The following ARHGAP42 variants were observed in gnomAD, a reference collection of about 807,000 sequenced individuals.
ARHGAP42 encodes the protein rho GTPase-activating protein 42.
In ARHGAP42, 63 loss-of-function variants were observed where a neutral mutation model predicts 125.0. That is an observed-to-expected ratio of 0.50 (90% CI 0.41 to 0.62). The LOEUF (loss-of-function observed/expected upper bound fraction) is 0.62, where lower values mean the gene tolerates loss of function less well. Ranked by LOEUF, ARHGAP42 falls within the 20% of genes least tolerant of loss-of-function variation. The probability of loss-of-function intolerance (pLI) is 0.00; values close to 1 mark genes in which losing one functional copy is unlikely to be tolerated. For synonymous variants in ARHGAP42, 339 were observed against 351.0 expected (o/e 0.97, Z 0.38); for missense variants, 766 against 1,024.2 (o/e 0.75, Z 3.44).
intron 1 of ARHGAP42, among the ~76,000 whole-genome samples, chr11:100,752,714 T>C (rs1341323927): frequency 6.6e-6 from 1 of 152,212 alleles, no homozygotes; most frequent in Non-Finnish European, 1.5e-5. Flanking sequence ...GATTTCTTGG[T>C]TATAAGTAGT....
At chr11:100,939,048 C>T (rs1418922453) in intron 8 of ARHGAP42, among the ~76,000 whole-genome samples, 1 of 152,144 alleles carries the variant, frequency 6.6e-6, no homozygotes, top group Non-Finnish European at 1.5e-5. Flanking sequence ...ATGGGGTAGG[C>T]TTAGCTCATT....
At chr11:100,949,644 C>T (rs996518164) in intron 11 of ARHGAP42, among the ~76,000 whole-genome samples, 1 of 152,200 alleles carries the variant, frequency 6.6e-6, no homozygotes, top group East Asian at 1.9e-4. Context: ...ATGCATCATA[C>T]TGGGGCAGAG....
At chr11:100,820,460 T>G (rs1258975384) in intron 3 of ARHGAP42, among the ~76,000 whole-genome samples, 1 of 152,138 alleles carries the variant, frequency 6.6e-6, no homozygotes, top group Non-Finnish European at 1.5e-5. Flanking sequence ...AGAAGGCATC[T>G]CTTCAGATTT....
chr11:100,860,837 A>T (rs1162802113), intron 4 of ARHGAP42, among the ~76,000 whole-genome samples: 1 of 152,160 alleles, frequency 6.6e-6, no homozygotes, highest in African/African-American at 2.4e-5. Context: ...ATTGTGAGCA[A>T]TTTTCGAGTG....
rs1277167355 is a variant in ARHGAP42, at chr11:100,687,770, G to A, written c.92G>A (p.Arg31Gln). 1.3e-6 allele frequency: 2 copies of A among 1,550,932 alleles called. No individual in the cohort carries two copies. The highest frequency in any genetic ancestry group is 1.4e-5 in the African/African-American group (1 of 73,030). ...RLQCHEIELERTNKFIKELIK... is the reference protein window; with the variant it reads ...RLQCHEIELEQTNKFIKELIK... ...CAGTGTCACGAGATTGAGCTGGAGC[G>A]AACCAACAAGTTCATCAAGGAGCTC... Residue 31 changes from arginine (R) to glutamine (Q), a missense_variant, in exon 1 of 24, where the codon CGA (arginine) becomes CAA (glutamine). This residue lies in a region of ARHGAP42 where 455 missense variants were observed against 636.5 expected (regional missense o/e 0.71). Transcript: ENST00000298815.
chr11:100,687,535 G>A lies in ARHGAP42; in HGVS notation c.-144G>A. ...GCAGGCGGCGCGGCGCTCGGGGCCC[G>A]TTTCCTCCGCGCAATCAGTCCCCTC... is the stretch of plus-strand genomic sequence containing the variant. On this transcript the variant is annotated 5_prime_UTR_variant, in exon 1 of 24. Transcript: ENST00000298815. 3.8e-6 allele frequency: 2 copies of A among 530,224 alleles called. No homozygotes were observed. The highest frequency in any genetic ancestry group is 5.2e-6 in the Non-Finnish European group (2 of 383,926). 32.8% of individuals were successfully genotyped at this position (530,224 alleles called of 1,614,324 possible).
rs139973384 is a variant in ARHGAP42 at position 100,886,733 on chromosome 11, A to G, written c.385-26719A>G. Reference sequence around the variant, plus strand: ...GTGCATCTCTCTACTAGCTGACCCAATTAAGGCCAAATTAACAATAAGACT... The same window carrying G: ...GTGCATCTCTCTACTAGCTGACCCAGTTAAGGCCAAATTAACAATAAGACT... On this transcript the variant is annotated intron_variant, in intron 4 of 23. Transcript: ENST00000298815. 4.4e-3 allele frequency among the ~76,000 whole-genome samples: 675 copies of G among 152,314 alleles called. 7 individuals are homozygous for G. The highest frequency in any genetic ancestry group is 0.01 in the Middle Eastern group (3 of 294).
At chr11:100,977,759 G>A (rs1043248594) in intron 21 of ARHGAP42, among the ~76,000 whole-genome samples, 7 of 152,106 alleles carry the variant, frequency 4.6e-5, no homozygotes, top group South Asian at 2.1e-4. Context: ...TAGAGATGAC[G>A]AGAACTGATG....
intron 1 of ARHGAP42, among the ~76,000 whole-genome samples, chr11:100,693,481 G>A (rs1046011344): frequency 2.6e-5 from 4 of 152,098 alleles, no homozygotes; most frequent in East Asian, 3.9e-4. Context: ...GTGAGCCTTG[G>A]CACTCATTAG....
intron 14 of ARHGAP42, 59 bp downstream of exon 14, chr11:100,961,048 A>G (rs1008195418): frequency 1.7e-6 from 2 of 1,210,902 alleles, no homozygotes; most frequent in African/African-American, 1.5e-5. Flanking sequence ...AATCTAAAGT[A>G]TGGACTTCTT....
chr11:100,792,917 T>C (rs1278757337), intron 2 of ARHGAP42, among the ~76,000 whole-genome samples: 1 of 152,068 alleles, frequency 6.6e-6, no homozygotes, highest in Non-Finnish European at 1.5e-5. Context: ...CACGCCCTGC[T>C]AATTTTTTTT....
At chr11:100,960,434 T>C (rs1857924859) in intron 13 of ARHGAP42, among the ~76,000 whole-genome samples, 1 of 152,140 alleles carries the variant, frequency 6.6e-6, no homozygotes, top group Non-Finnish European at 1.5e-5. Context: ...TAAAGCAAAA[T>C]TCATATTGGG....
Position 100,992,470 on chromosome 11 carries a change from G to A in ARHGAP42, c.*3669G>A, listed in dbSNP as rs771846350. On this transcript the variant is annotated 3_prime_UTR_variant, in exon 24 of 24. Coordinates refer to ENST00000298815, the MANE Select transcript of ARHGAP42 (RefSeq NM_152432.4). The stretch of plus-strand genomic sequence containing the variant: ...TTAACTTTGCCTCCTACCCTTTTTT[G>A]TTACCTTCCAAAATCAAGACACTTT... The A allele has an allele frequency of 2.5e-6, 4 of 1,613,570 alleles. No individual in the cohort carries two copies. In the South Asian group the frequency reaches 4.4e-5, roughly 18 times the overall value.
At chr11:100,755,145 A>G (rs1299883345) in intron 1 of ARHGAP42, among the ~76,000 whole-genome samples, 1 of 152,228 alleles carries the variant, frequency 6.6e-6, no homozygotes, top group Non-Finnish European at 1.5e-5. Flanking sequence ...GCTACGGGTT[A>G]GTGATAAATG....
At chr11:100,738,852 G>T (rs982945294) in intron 1 of ARHGAP42, among the ~76,000 whole-genome samples, 1 of 152,196 alleles carries the variant, frequency 6.6e-6, no homozygotes, top group South Asian at 2.1e-4. Context: ...TGTGCCCGTT[G>T]CATTCCTTGC....
chr11:100,933,399 C>G (rs572847615), intron 7 of ARHGAP42, 139 bp downstream of exon 7: 31 of 512,974 alleles, frequency 6.0e-5, no homozygotes, highest in South Asian at 4.6e-4. Flanking sequence ...AAAATTTATA[C>G]TAGCAAATTT....
intron 1 of ARHGAP42, among the ~76,000 whole-genome samples, chr11:100,701,211 G>C (rs982813733): frequency 6.6e-6 from 1 of 150,558 alleles, no homozygotes; most frequent in African/African-American, 2.4e-5. Flanking sequence ...TCAGTAAACA[G>C]TGTACTGTCA....
chr11:100,829,642 A>G (rs962696176), intron 3 of ARHGAP42, among the ~76,000 whole-genome samples: 2 of 152,152 alleles, frequency 1.3e-5, no homozygotes, highest in Admixed American at 6.5e-5. Flanking sequence ...ACCCTTTTTC[A>G]TATTGTGCAT....
rs1363707197 is a variant in ARHGAP42 at position 100,858,106 on chromosome 11, TG to T, written c.313-1447del. The stretch of plus-strand genomic sequence containing the variant: ...ATAGGGGTGTGTGTGTGTGTGTGTG[TG>T]TGTGTGTGTGTGTGTGTTTATGTAA... On this transcript the variant is annotated intron_variant, in intron 3 of 23. Coordinates refer to ENST00000298815, the MANE Select transcript of ARHGAP42 (RefSeq NM_152432.4). Among the ~76,000 whole-genome samples the T allele has an allele frequency of 4.1e-5, 6 of 147,264 alleles. No homozygotes were observed. The East Asian group carries it at 7.9e-4, about 19-fold the overall frequency.
Sources: allele counts gnomAD v4.1 joint callset (sites outside exome capture counted in the v4.1 genomes callset), GRCh38; gene constraint gnomAD v4.1.1; regional missense constraint gnomAD v4.1.1; transcripts MANE v1.5; gene names NCBI Gene and HGNC (gene_info 2026-07-23, HGNC 2026-07-21).